Variants in TXN observed in about 807,000 individuals in gnomAD.
TXN encodes the protein thioredoxin.
In TXN, 10 loss-of-function variants were observed where a neutral mutation model predicts 16.5. The observed-to-expected ratio is 0.61, with a 90% CI of 0.37 to 1.03. The LOEUF (loss-of-function observed/expected upper bound fraction) is 1.03, where lower values mean the gene tolerates loss of function less well. TXN is among the 50% of genes least tolerant of loss of function. The pLI, the probability that TXN is intolerant of heterozygous loss-of-function variation, is 0.01. For synonymous variants in TXN, 35 were observed against 39.4 expected (o/e 0.89, Z 0.42); for missense variants, 71 against 122.5 (o/e 0.58, Z 1.98).
At position 110,256,379 on chromosome 9, in the gene TXN, G is replaced by A; in HGVS notation, c.24+33C>T. The A allele has an allele frequency of 6.3e-7, 1 of 1,598,286 alleles. No individual in the cohort carries two copies. The highest frequency in any genetic ancestry group is 8.5e-7 in the Non-Finnish European group (1 of 1,172,756). On this transcript the variant is annotated intron_variant, in intron 1 of 4. Coordinates refer to ENST00000374517, the MANE Select transcript of TXN (RefSeq NM_003329.4). This position sits in a 1 kb window ranked among gnomAD's most constrained non-coding sequence, Gnocchi z 4.2. ...CCCAGTTACAGAGGCCGCGCGCGGC[G>A]CCGGCACCCTGGCCTTCCCCGGTAG...
chr9:110,249,125 C>CAAAAAAAAAAAAAAAAAAA (rs71302631), intron 3 of TXN, among the ~76,000 whole-genome samples: 2 of 53,818 alleles, frequency 3.7e-5, no homozygotes, highest in African/African-American at 1.4e-4. Flanking sequence ...AACTCCATCT[C>CAAAAAAAAAAAAAAAAAAA]AAAAAAAAAA....
At chr9:110,245,654 A>ATATAT (rs1232332404) in intron 3 of TXN, among the ~76,000 whole-genome samples, 5 of 21,786 alleles carry the variant, frequency 2.3e-4, no homozygotes, top group Admixed American at 7.9e-4. Context: ...ATATATATAT[A>ATATAT]TTTTTTTTTT....
intron 4 of TXN, 74 bp downstream of exon 4, chr9:110,244,704 C>T (rs1837624746): frequency 5.4e-6 from 7 of 1,292,148 alleles, no homozygotes; most frequent in Non-Finnish European, 7.8e-6. Context: ...AAGGGAACAT[C>T]ACTCCAGTGA....
chr9:110,244,861 A>G lies in TXN; in HGVS notation c.190-18T>C. On this transcript the variant is annotated intron_variant, in intron 3 of 4. Coordinates refer to ENST00000374517, the MANE Select transcript of TXN (RefSeq NM_003329.4). ...GCAACATCCTGGTAGGGAAAGTAGCAAAGGGAGAGGATTAAATACAAGACT... is the reference window on the plus strand; with the variant it reads ...GCAACATCCTGGTAGGGAAAGTAGCGAAGGGAGAGGATTAAATACAAGACT... The G allele has an allele frequency of 6.2e-7, 1 of 1,607,300 alleles. No homozygotes were observed. The highest frequency in any genetic ancestry group is 8.5e-7 in the Non-Finnish European group (1 of 1,174,172).
intron 1 of TXN, among the ~76,000 whole-genome samples, chr9:110,252,763 G>A (rs1837757939): frequency 6.6e-6 from 1 of 152,094 alleles, no homozygotes; most frequent in Admixed American, 6.5e-5. Context: ...TCTTGCCTCA[G>A]CCTCCTGAGT....
chr9:110,245,179 A>G (rs4135216), intron 3 of TXN: 48 of 178,324 alleles, frequency 2.7e-4, no homozygotes, highest in East Asian at 2.5e-3. Context: ...TAAGTATCAT[A>G]CAAAGAAGCA....
At chr9:110,246,677 G>T (rs1002279746) in intron 3 of TXN, among the ~76,000 whole-genome samples, 1 of 152,134 alleles carries the variant, frequency 6.6e-6, no homozygotes, top group Admixed American at 6.5e-5. Flanking sequence ...CCTCTAGGAT[G>T]GTGGGTGGCA....
chr9:110,249,032 A>G (rs955087473), intron 3 of TXN, among the ~76,000 whole-genome samples: 17 of 145,616 alleles, frequency 1.2e-4, no homozygotes, highest in Admixed American at 1.2e-3. Flanking sequence ...GGAGGCTGAG[A>G]CAGAGGATTG....
chr9:110,251,252 C>A, intron 2 of TXN, 106 bp downstream of exon 2: 1 of 813,924 alleles, frequency 1.2e-6, no homozygotes, highest in South Asian at 1.5e-5. Context: ...CAAAGAAATC[C>A]CCCCACCGAA....
intron 1 of TXN, among the ~76,000 whole-genome samples, chr9:110,252,245 A>AAAAAAAAAAAAAAAAAAG (rs199937630): frequency 9.5e-5 from 13 of 136,198 alleles, no homozygotes; most frequent in African/African-American, 2.7e-4. Flanking sequence ...AAAAAAAAAA[A>AAAAAAAAAAAAAAAAAAG]GCTATGACTT....
At chr9:110,248,013 C>T (rs1837680013) in intron 3 of TXN, among the ~76,000 whole-genome samples, 2 of 151,476 alleles carry the variant, frequency 1.3e-5, no homozygotes, top group Non-Finnish European at 2.9e-5. Context: ...TAGTTTGTAA[C>T]AAAAAGTTTA....
chr9:110,249,055 A>G (rs1206459971), intron 3 of TXN, among the ~76,000 whole-genome samples: 1 of 137,200 alleles, frequency 7.3e-6, no homozygotes, highest in Non-Finnish European at 1.5e-5. Flanking sequence ...TAAACCCGGG[A>G]GGCAGAGGTT....
Position 110,256,038 on chromosome 9 carries a change from C to A in TXN, c.24+374G>T, listed in dbSNP as rs921930420. ...CTTCCTCCAGTCGGGGCTGCCCGGACGGGAGGGTGCAGGAGGCGCAGCGTG... is the reference window on the plus strand; with the variant it reads ...CTTCCTCCAGTCGGGGCTGCCCGGAAGGGAGGGTGCAGGAGGCGCAGCGTG... On this transcript the variant is annotated intron_variant, in intron 1 of 4. Transcript: ENST00000374517. This position sits in a 1 kb window ranked among gnomAD's most constrained non-coding sequence, Gnocchi z 4.2. Among the ~76,000 whole-genome samples the A allele has an allele frequency of 6.6e-6, 1 of 152,194 alleles. No individual in the cohort carries two copies. Among genetic ancestry groups the A allele is most frequent in the African/African-American group, 2.4e-5 (1 of 41,464 alleles).
At chr9:110,254,710 C>T (rs1215546416) in intron 1 of TXN, among the ~76,000 whole-genome samples, 1 of 151,822 alleles carries the variant, frequency 6.6e-6, no homozygotes, top group Non-Finnish European at 1.5e-5. Flanking sequence ...CTCTGACATG[C>T]TCTGACAACT....
intron 3 of TXN, among the ~76,000 whole-genome samples, chr9:110,245,632 A>AC (rs1837641971): frequency 4.7e-5 from 1 of 21,088 alleles, no homozygotes; most frequent in African/African-American, 2.5e-4. Context: ...ATATATATAT[A>AC]TATATATATA....
At chr9:110,249,618 C>T (rs1237609318) in intron 3 of TXN, among the ~76,000 whole-genome samples, 1 of 152,078 alleles carries the variant, frequency 6.6e-6, no homozygotes, top group Non-Finnish European at 1.5e-5. Flanking sequence ...AAGGACAGGC[C>T]AGATGGAGAA....
At chr9:110,247,785 T>C (rs1453653488) in intron 3 of TXN, among the ~76,000 whole-genome samples, 2 of 152,238 alleles carry the variant, frequency 1.3e-5, no homozygotes, top group Non-Finnish European at 2.9e-5. Context: ...AGTGTACTCC[T>C]ACTTATTTTT....
rs539136712 is a variant in TXN at position 110,256,404 on chromosome 9, G to C, written c.24+8C>G. ...GCCGGCACCCTGGCCTTCCCCGGTA[G>C]CGCGTACCTTGCTCTCGATCTGCTT... On this transcript the variant is annotated splice_region_variant and intron_variant, in intron 1 of 4. Transcript: ENST00000374517. This position sits in a 1 kb window ranked among gnomAD's most constrained non-coding sequence, Gnocchi z 4.2. 1 of 1,606,290 alleles carries C rather than the reference G, an allele frequency of 6.2e-7. No individual in the cohort carries two copies. Among genetic ancestry groups the C allele is most frequent in the South Asian group, 1.1e-5 (1 of 89,752 alleles).
chr9:110,254,584 G>A (rs1190172703), intron 1 of TXN, among the ~76,000 whole-genome samples: 3 of 152,206 alleles, frequency 2.0e-5, no homozygotes, highest in Non-Finnish European at 4.4e-5. Flanking sequence ...AATGACTTTG[G>A]ATTGTTATTT....
Sources: allele counts gnomAD v4.1 joint callset (sites outside exome capture counted in the v4.1 genomes callset), GRCh38; gene constraint gnomAD v4.1.1; non-coding constraint Gnocchi (gnomAD v3.1); transcripts MANE v1.5; gene names NCBI Gene and HGNC (gene_info 2026-07-23, HGNC 2026-07-21).